PHACTR2: variants seen among roughly 807,000 people sequenced by gnomAD.
PHACTR2 encodes phosphatase and actin regulator 2, also known as chromosome 6 open reading frame 56.
In PHACTR2, 30 loss-of-function variants were observed where a neutral mutation model predicts 76.0. That is an observed-to-expected ratio of 0.39 (90% CI 0.30 to 0.54). The LOEUF (loss-of-function observed/expected upper bound fraction) is 0.54. Among genes scored for constraint, PHACTR2 ranks in the 20% least tolerant of loss-of-function variants. The pLI, the probability that PHACTR2 is intolerant of heterozygous loss-of-function variation, is 0.61. For missense variants in PHACTR2, 696 were observed against 781.1 expected (o/e 0.89, Z 1.30); for synonymous variants, 292 against 292.5 (o/e 1.00, Z 0.02).
chr6:143,823,636 C>T lies in PHACTR2; in HGVS notation c.1923-38C>T. Reference sequence around the variant, plus strand: ...AGCTCACTGCATGCAGAATGTGCTCCTAGGCCACAGGCTTATAGTTTCTAT... The same window carrying T: ...AGCTCACTGCATGCAGAATGTGCTCTTAGGCCACAGGCTTATAGTTTCTAT... On this transcript the variant is annotated intron_variant, in intron 12 of 12. Coordinates refer to ENST00000440869, the MANE Select transcript of PHACTR2 (RefSeq NM_001100164.2). The surrounding 1 kb of genome is among the most constrained non-coding windows in gnomAD (Gnocchi z 5.7). The T allele has an allele frequency of 1.9e-6, 3 of 1,590,922 alleles. No individual in the cohort carries two copies. The highest frequency in any genetic ancestry group is 2.6e-6 in the Non-Finnish European group (3 of 1,159,738).
Position 143,742,449 on chromosome 6 carries a change from C to A in PHACTR2, c.215-6536C>A, listed in dbSNP as rs1264529174. On this transcript the variant is annotated intron_variant, in intron 2 of 12. Transcript: ENST00000440869. This position sits in a 1 kb window ranked among gnomAD's most constrained non-coding sequence, Gnocchi z 4.5. ...TAACAGCTCCAGAAGAAAGAGAAAG[C>A]CTTGCTTTCCTATTGTTCCAGCAAA... 6.6e-6 allele frequency among the ~76,000 whole-genome samples: 1 copy of A among 152,212 alleles called. No homozygotes were observed. The highest frequency in any genetic ancestry group is 1.5e-5 in the Non-Finnish European group (1 of 68,034).
intron 1 of PHACTR2, among the ~76,000 whole-genome samples, chr6:143,584,104 A>C (rs1018673744): frequency 2.0e-5 from 3 of 152,166 alleles, no homozygotes; most frequent in African/African-American, 7.2e-5. Flanking sequence ...ATGTTCCACT[A>C]CTGTGCTGTG....
intron 1 of PHACTR2, among the ~76,000 whole-genome samples, chr6:143,667,875 T>C (rs1037973252): frequency 2.0e-5 from 3 of 152,210 alleles, no homozygotes; most frequent in Non-Finnish European, 4.4e-5. Flanking sequence ...GCTTTATTTC[T>C]TTCTCTTGCC....
At chr6:143,796,772 G>A (rs1261980600) in intron 11 of PHACTR2, among the ~76,000 whole-genome samples, 1 of 152,108 alleles carries the variant, frequency 6.6e-6, no homozygotes, top group Admixed American at 6.5e-5. Flanking sequence ...AGTGTTCCAT[G>A]GTGTATATGT....
intron 1 of PHACTR2, among the ~76,000 whole-genome samples, chr6:143,693,571 A>G (rs73577972): frequency 0.031 from 4,658 of 152,274 alleles, 208 homozygotes; most frequent in African/African-American, 0.11. Context: ...AGGCCATTTA[A>G]GGACTTTAAG....
chr6:143,697,240 T>C lies in PHACTR2; in HGVS notation c.47-14776T>C, dbSNP rs1238143768. On this transcript the variant is annotated intron_variant, in intron 1 of 12. Transcript: ENST00000440869. This position sits in a 1 kb window ranked among gnomAD's most constrained non-coding sequence, Gnocchi z 4.4. Reference sequence around the variant, plus strand: ...AGAGAATGGAAAAAACAAAAGCAGTTTGGATTTAGTTCCAATTTAGTTAGG... The same window carrying C: ...AGAGAATGGAAAAAACAAAAGCAGTCTGGATTTAGTTCCAATTTAGTTAGG... Among the ~76,000 whole-genome samples the C allele has an allele frequency of 9.9e-5, 15 of 152,230 alleles. No homozygotes were observed. Among genetic ancestry groups the C allele is most frequent in the Admixed American group, 9.2e-4 (14 of 15,276 alleles).
intron 1 of PHACTR2, among the ~76,000 whole-genome samples, chr6:143,693,376 T>C (rs1452163071): frequency 6.6e-6 from 1 of 152,120 alleles, no homozygotes; most frequent in Admixed American, 6.5e-5. Context: ...TAGCTGGGAC[T>C]ACAGGCACGC....
chr6:143,617,539 A>G lies in PHACTR2; in HGVS notation c.13+9217A>G, dbSNP rs1442188059. ...GGTCAGGACATTGGTGTTTGTTTAA[A>G]AGCTCCCCACTATATTCTAATGAGC... On this transcript the variant is annotated intron_variant, in intron 1 of 11. Coordinates refer to the PHACTR2 transcript ENST00000305766. The surrounding 1 kb of genome is among the most constrained non-coding windows in gnomAD (Gnocchi z 4.8). 1.3e-5 allele frequency among the ~76,000 whole-genome samples: 2 copies of G among 152,148 alleles called. No homozygotes were observed. Among genetic ancestry groups the G allele is most frequent in the African/African-American group, 4.8e-5 (2 of 41,418 alleles).
At chr6:143,693,701 C>T (rs1202723180) in intron 1 of PHACTR2, among the ~76,000 whole-genome samples, 1 of 152,186 alleles carries the variant, frequency 6.6e-6, no homozygotes, top group Non-Finnish European at 1.5e-5. Flanking sequence ...AGGCCTCTTC[C>T]CCACTCACCT....
At chr6:143,594,358 C>T (rs1300298432) in intron 1 of PHACTR2, among the ~76,000 whole-genome samples, 2 of 152,232 alleles carry the variant, frequency 1.3e-5, no homozygotes, top group Non-Finnish European at 2.9e-5. Flanking sequence ...ACTATGATGT[C>T]TCAGAGCAGG....
At chr6:143,620,065 T>A (rs1173208442) in intron 1 of PHACTR2, among the ~76,000 whole-genome samples, 1 of 152,218 alleles carries the variant, frequency 6.6e-6, no homozygotes, top group Non-Finnish European at 1.5e-5. Context: ...TTTAAATAAC[T>A]GTATGACTGT....
rs1222021179 is a variant in PHACTR2 at position 143,591,690 on chromosome 6, C to T, written c.217+54483C>T. On this transcript the variant is annotated intron_variant, in intron 1 of 11. Transcript: ENST00000367584. The surrounding 1 kb of genome is among the most constrained non-coding windows in gnomAD (Gnocchi z 6.4). ...AGAGAATTCCAGTGGCGATAGATGA[C>T]GATCCCAATGCTGCACTGACATGTG... Among the ~76,000 whole-genome samples, 3 of 152,200 alleles carry T rather than the reference C, an allele frequency of 2.0e-5. No individual in the cohort carries two copies. Among genetic ancestry groups the T allele is most frequent in the Non-Finnish European group, 2.9e-5 (2 of 68,036 alleles).
intron 1 of PHACTR2, among the ~76,000 whole-genome samples, chr6:143,560,882 G>GCTGT (rs1554287501): frequency 4.5e-5 from 6 of 133,094 alleles, no homozygotes; most frequent in African/African-American, 1.7e-4. Flanking sequence ...AAAGCAGAGG[G>GCTGT]GTGTGTGTGT....
Position 143,830,391 on chromosome 6 carries a change from A to G in PHACTR2, c.*6702A>G, listed in dbSNP as rs1176161107. On this transcript the variant is annotated 3_prime_UTR_variant, in exon 13 of 13. Coordinates refer to ENST00000440869, the MANE Select transcript of PHACTR2 (RefSeq NM_001100164.2). ...GTGATAACAATGGTAAACTGTGATC[A>G]TTATCAGACTGACTGAATGCTTTCT... 1 of 151,518 alleles carries G rather than the reference A, an allele frequency of 6.6e-6. No homozygotes were observed. The highest frequency in any genetic ancestry group is 1.5e-5 in the Non-Finnish European group (1 of 67,972). 9.4% of individuals were successfully genotyped at this position (151,518 alleles called of 1,614,324 possible).
Position 143,679,685 on chromosome 6 carries a change from A to C in PHACTR2, c.46+1476A>C, listed in dbSNP as rs1213975669. Among the ~76,000 whole-genome samples, 1 of 152,240 alleles carries C rather than the reference A, an allele frequency of 6.6e-6. No homozygotes were observed. Among genetic ancestry groups the C allele is most frequent in the Non-Finnish European group, 1.5e-5 (1 of 68,032 alleles). ...TATTAGAAAAGCAAATTTTGCCTTA[A>C]TAAAAATCAAGGAATATTATATAAA... On this transcript the variant is annotated intron_variant, in intron 1 of 12. Coordinates refer to ENST00000440869, the MANE Select transcript of PHACTR2 (RefSeq NM_001100164.2). This position sits in a 1 kb window ranked among gnomAD's most constrained non-coding sequence, Gnocchi z 4.6.
Position 143,820,623 on chromosome 6 carries a change from T to C in PHACTR2, c.1923-3051T>C, listed in dbSNP as rs1443747779. ...GATTTGCAAGGTGCAGCCCCCAGGCTGATCTCACAGGCTGGCGTTGAATGT... is the reference window on the plus strand; with the variant it reads ...GATTTGCAAGGTGCAGCCCCCAGGCCGATCTCACAGGCTGGCGTTGAATGT... On this transcript the variant is annotated intron_variant, in intron 12 of 12. Transcript: ENST00000440869. This position sits in a 1 kb window ranked among gnomAD's most constrained non-coding sequence, Gnocchi z 4.2. Among the ~76,000 whole-genome samples the C allele has an allele frequency of 1.3e-5, 2 of 152,252 alleles. No individual in the cohort carries two copies. The highest frequency in any genetic ancestry group is 4.8e-5 in the African/African-American group (2 of 41,472).
At chr6:143,719,758 A>C (rs2128462945) in intron 2 of PHACTR2, among the ~76,000 whole-genome samples, 1 of 150,686 alleles carries the variant, frequency 6.6e-6, no homozygotes, top group African/African-American at 2.4e-5. Flanking sequence ...GTAACCAGCC[A>C]AAGGCCACAC....
At chr6:143,719,098 G>C (rs1301659450) in intron 2 of PHACTR2, among the ~76,000 whole-genome samples, 1 of 151,650 alleles carries the variant, frequency 6.6e-6, no homozygotes, top group Non-Finnish European at 1.5e-5. Flanking sequence ...AGCCAGGCTG[G>C]TCTTGAACTC....
intron 1 of PHACTR2, among the ~76,000 whole-genome samples, chr6:143,631,285 G>T (rs1776358538): frequency 6.6e-6 from 1 of 151,958 alleles, no homozygotes; most frequent in South Asian, 2.1e-4. Flanking sequence ...CAACCTCCTG[G>T]GCTCAAGCGA....
Sources: allele counts gnomAD v4.1 joint callset (sites outside exome capture counted in the v4.1 genomes callset), GRCh38; gene constraint gnomAD v4.1.1; non-coding constraint Gnocchi (gnomAD v3.1); transcripts MANE v1.5; gene names NCBI Gene and HGNC (gene_info 2026-07-23, HGNC 2026-07-21).